Variants in PRELID2 observed in about 807,000 individuals in gnomAD.
PRELID2 encodes the protein PRELI domain containing 2, also known as PRELI domain-containing protein 2.
PRELID2 carries 25 observed loss-of-function variants against 28.4 expected under a neutral mutation model. The observed-to-expected ratio is 0.88, with a 90% CI of 0.64 to 1.23. The LOEUF (loss-of-function observed/expected upper bound fraction) is 1.23. Among genes scored for constraint, PRELID2 ranks in the 50% most tolerant of loss-of-function variants. PRELID2 has a pLI of 0.00. For missense variants in PRELID2, 201 were observed against 214.4 expected, an observed-to-expected ratio of 0.94 and a Z score of 0.39; for synonymous variants, 76 against 71.6, an observed-to-expected ratio of 1.06 and a Z score of -0.31.
Position 145,744,725 on chromosome 5 carries a change from G to A in PRELID2, n.70+20206C>T, listed in dbSNP as rs147408293. ...CCAAGGGTCAGCATCCTCAAAGATC[G>A]AAACTAGACAAACTCACAGAGATGA... On this transcript the variant is annotated intron_variant and non_coding_transcript_variant, in intron 1 of 2. Coordinates refer to the PRELID2 transcript ENST00000510259. Among the ~76,000 whole-genome samples the A allele has an allele frequency of 2.2e-3, 341 of 152,122 alleles. 9 individuals carry two copies. In the East Asian group the frequency reaches 0.06, roughly 27 times the overall value.
chr5:145,768,223 C>CAAAA (rs35135521), intron 5 of PRELID2, among the ~76,000 whole-genome samples: 1 of 80,754 alleles, frequency 1.2e-5, no homozygotes. Context: ...GACTCTGTCT[C>CAAAA]AAAAAAAAAA....
intron 1 of PRELID2, among the ~76,000 whole-genome samples, chr5:145,609,158 G>A (rs903984062): frequency 1.3e-4 from 20 of 151,932 alleles, no homozygotes; most frequent in Non-Finnish European, 1.8e-4. Context: ...TTTATCTCCC[G>A]TGTCCTTTTG....
chr5:145,636,027 T>C (rs935034479), intron 1 of PRELID2, among the ~76,000 whole-genome samples: 2 of 152,172 alleles, frequency 1.3e-5, no homozygotes, highest in Non-Finnish European at 2.9e-5. Context: ...GGGAAGACCA[T>C]TGAAGGCAAC....
the PRELID2 span, among the ~76,000 whole-genome samples, chr5:145,236,865 G>GT: frequency 6.6e-6 from 1 of 152,060 alleles, no homozygotes; most frequent in Non-Finnish European, 1.5e-5. Context: ...CCACAGTTAT[G>GT]TCTGTGGCAC....
intron 1 of PRELID2, among the ~76,000 whole-genome samples, chr5:145,602,175 C>T (rs187159413): frequency 6.6e-6 from 1 of 152,158 alleles, no homozygotes; most frequent in Admixed American, 6.5e-5. Context: ...TAGTAAAGCC[C>T]AAGGAGTTAT....
chr5:145,256,277 T>G, the PRELID2 span, among the ~76,000 whole-genome samples: 1 of 152,030 alleles, frequency 6.6e-6, no homozygotes, highest in African/African-American at 2.4e-5. Flanking sequence ...ACTCTTCTGC[T>G]TCCCTGTTAA....
the PRELID2 span, among the ~76,000 whole-genome samples, chr5:145,373,268 AAT>A: frequency 2.3e-5 from 1 of 43,016 alleles, no homozygotes; most frequent in East Asian, 3.4e-3. Context: ...CAACATATAT[AAT>A]ATATATGATA....
At chr5:145,351,838 A>C in the PRELID2 span, among the ~76,000 whole-genome samples, 1 of 152,286 alleles carries the variant, frequency 6.6e-6, no homozygotes, top group Non-Finnish European at 1.5e-5. Context: ...AAATTGGCCA[A>C]ATAAAGGGGT....
At chr5:145,351,404 A>G in the PRELID2 span, among the ~76,000 whole-genome samples, 1 of 152,250 alleles carries the variant, frequency 6.6e-6, no homozygotes, top group East Asian at 1.9e-4. Flanking sequence ...GCAAAGAGGG[A>G]GAAGCCCCTT....
the PRELID2 span, among the ~76,000 whole-genome samples, chr5:145,347,324 CT>C: frequency 6.6e-6 from 1 of 152,150 alleles, no homozygotes; most frequent in Non-Finnish European, 1.5e-5. Flanking sequence ...ATTCCCACCT[CT>C]TTGAAAGTTT....
At position 145,479,888 on chromosome 5, in the gene PRELID2, C is replaced by T. The variant is rs188401802; in HGVS notation, n.71-6573G>A. 3.9e-5 allele frequency among the ~76,000 whole-genome samples: 6 copies of T among 152,240 alleles called. No homozygotes were observed. In the East Asian group the frequency reaches 9.7e-4, roughly 25 times the overall value. Reference sequence around the variant, plus strand: ...TAACCCCAGAGAACTGAAAGAGGATCCTTTGAAAAATCCACAGGAGCATGT... The same window carrying T: ...TAACCCCAGAGAACTGAAAGAGGATTCTTTGAAAAATCCACAGGAGCATGT... On this transcript the variant is annotated intron_variant and non_coding_transcript_variant, in intron 1 of 2. Transcript: ENST00000510259.
intron 1 of PRELID2, among the ~76,000 whole-genome samples, chr5:145,574,755 T>C (rs1370786312): frequency 1.3e-5 from 2 of 152,208 alleles, no homozygotes; most frequent in Non-Finnish European, 2.9e-5. Context: ...TTATATAAAA[T>C]GCTGTCACAT....
intron 1 of PRELID2, among the ~76,000 whole-genome samples, chr5:145,530,915 G>C (rs1322992489): frequency 6.6e-6 from 1 of 152,044 alleles, no homozygotes; most frequent in Non-Finnish European, 1.5e-5. Context: ...AATGGGAAGA[G>C]GAGAGAGCAA....
chr5:145,571,981 C>CA (rs557402967), intron 1 of PRELID2, among the ~76,000 whole-genome samples: 9,684 of 100,652 alleles, frequency 0.096, 471 homozygotes, highest in Admixed American at 0.23. Context: ...GACTCCGTCT[C>CA]AAAAAAAAAA....
At chr5:145,736,691 C>T (rs1897542) in intron 1 of PRELID2, among the ~76,000 whole-genome samples, 135,343 of 152,142 alleles carry the variant, frequency 0.89, 60,245 homozygotes, top group East Asian at 0.99. Context: ...GAGCAACTGA[C>T]GTGGAAGGTA....
At chr5:145,379,687 A>G in the PRELID2 span, among the ~76,000 whole-genome samples, 1 of 152,282 alleles carries the variant, frequency 6.6e-6, no homozygotes, top group Admixed American at 6.5e-5. Context: ...ACAGACATAC[A>G]GACAGCAAAG....
the PRELID2 span, among the ~76,000 whole-genome samples, chr5:145,456,442 G>C: frequency 6.8e-3 from 1,032 of 152,104 alleles, 7 homozygotes; most frequent in Non-Finnish European, 9.6e-3. Flanking sequence ...GCCATTTTTG[G>C]TGCCTTCTCA....
chr5:145,383,847 C>T, the PRELID2 span, among the ~76,000 whole-genome samples: 1 of 152,088 alleles, frequency 6.6e-6, no homozygotes, highest in South Asian at 2.1e-4. Context: ...CACACATACA[C>T]ACACACATTT....
At chr5:145,375,187 C>T in the PRELID2 span, among the ~76,000 whole-genome samples, 4 of 151,120 alleles carry the variant, frequency 2.6e-5, no homozygotes, top group African/African-American at 9.9e-5. Flanking sequence ...TTATTGTTGT[C>T]ATGTTCTGCT....
Sources: allele counts gnomAD v4.1 joint callset (sites outside exome capture counted in the v4.1 genomes callset), GRCh38; gene constraint gnomAD v4.1.1; transcripts MANE v1.5; gene names NCBI Gene and HGNC (gene_info 2026-07-23, HGNC 2026-07-21).